PRKG1: variants seen among roughly 807,000 people sequenced by gnomAD.
PRKG1 encodes the protein cGMP-dependent protein kinase 1.
A neutral mutation model predicts 88.1 loss-of-function variants in PRKG1; 35 were observed. The ratio of observed to expected loss-of-function variants is 0.40; its 90% CI spans 0.30 to 0.53. The LOEUF is 0.53. Among genes scored for constraint, PRKG1 ranks in the 20% least tolerant of loss-of-function variants. The pLI is 0.59. For missense variants in PRKG1, 540 were observed against 839.8 expected (o/e 0.64, Z 4.41); for synonymous variants, 303 against 292.5 (o/e 1.04, Z -0.37).
chr10:51,384,803 C>T (rs7913751), intron 2 of PRKG1, among the ~76,000 whole-genome samples: 3,922 of 152,190 alleles, frequency 0.026, 155 homozygotes, highest in African/African-American at 0.086. Context: ...CCATGGAATT[C>T]CCCGTAGCTC....
intron 5 of PRKG1, among the ~76,000 whole-genome samples, chr10:51,919,674 AC>A (rs1842420554): frequency 7.0e-6 from 1 of 142,610 alleles, no homozygotes. Context: ...ACAGCCCCCC[AC>A]CTTTTTTTTT....
At chr10:51,985,071 A>G (rs888595030) in intron 5 of PRKG1, among the ~76,000 whole-genome samples, 3 of 152,122 alleles carry the variant, frequency 2.0e-5, no homozygotes, top group Non-Finnish European at 4.4e-5. Context: ...TTTTTAGGCA[A>G]TAGTTCATTT....
intron 7 of PRKG1, among the ~76,000 whole-genome samples, chr10:52,069,143 A>G (rs1411149819): frequency 1.3e-5 from 2 of 152,180 alleles, no homozygotes; most frequent in Non-Finnish European, 2.9e-5. Context: ...ATTTGTTTTC[A>G]CTTCATAGTC....
chr10:52,241,561 GT>G (rs1840863035), intron 9 of PRKG1, among the ~76,000 whole-genome samples: 1 of 151,956 alleles, frequency 6.6e-6, no homozygotes, highest in Admixed American at 6.6e-5. Context: ...TCTTTTTATT[GT>G]TTGACCCACT....
chr10:51,917,356 G>C (rs566332740), intron 5 of PRKG1, among the ~76,000 whole-genome samples: 1 of 150,968 alleles, frequency 6.6e-6, no homozygotes, highest in African/African-American at 2.4e-5. Context: ...TTTCTTTTTA[G>C]GGTGATAAAA....
intron 7 of PRKG1, among the ~76,000 whole-genome samples, chr10:52,083,284 G>T (rs1033853769): frequency 1.3e-5 from 2 of 151,936 alleles, no homozygotes; most frequent in African/African-American, 4.8e-5. Context: ...ATTGAGCATG[G>T]AATCACAATT....
intron 2 of PRKG1, among the ~76,000 whole-genome samples, chr10:51,319,476 C>T (rs371243714): frequency 1.3e-5 from 2 of 152,168 alleles, no homozygotes; most frequent in South Asian, 4.1e-4. Context: ...GCTCTGTGGA[C>T]TACTGTCAAT....
intron 1 of PRKG1, among the ~76,000 whole-genome samples, chr10:51,035,824 C>G (rs192632008): frequency 6.6e-6 from 1 of 152,026 alleles, no homozygotes; most frequent in African/African-American, 2.4e-5. Flanking sequence ...TAGCAATAAC[C>G]ATTAACATTC....
At chr10:51,735,871 A>G (rs373846412) in intron 3 of PRKG1, among the ~76,000 whole-genome samples, 39,521 of 117,618 alleles carry the variant, frequency 0.34, 7,244 homozygotes, top group Middle Eastern at 0.47. Context: ...ATATATATAT[A>G]TATATATATG....
At chr10:51,204,300 A>T (rs1454635739) in intron 2 of PRKG1, among the ~76,000 whole-genome samples, 2 of 152,028 alleles carry the variant, frequency 1.3e-5, no homozygotes, top group East Asian at 3.9e-4. Context: ...GGAAGATGAA[A>T]AGTGACCTCC....
At chr10:51,231,077 G>T (rs958170261) in intron 2 of PRKG1, among the ~76,000 whole-genome samples, 1 of 152,134 alleles carries the variant, frequency 6.6e-6, no homozygotes, top group East Asian at 1.9e-4. Flanking sequence ...TTCTTGCTGG[G>T]AGTGAAAAGG....
At chr10:51,997,162 C>T (rs1184154542) in intron 5 of PRKG1, among the ~76,000 whole-genome samples, 1 of 151,848 alleles carries the variant, frequency 6.6e-6, no homozygotes, top group African/African-American at 2.4e-5. Flanking sequence ...GTCAATGGAT[C>T]CAAAATTTTA....
rs372232553 is a variant in PRKG1, at chr10:52,036,209, T to C, written c.763-18275T>C. 1.4e-4 allele frequency among the ~76,000 whole-genome samples: 21 copies of C among 151,904 alleles called. No homozygotes were observed. The East Asian group carries it at 3.1e-3, about 23-fold the overall frequency. ...AGTCCAAGTGAAAGTGAAGAGAGGC[T>C]GGGATTAAGGGTGCAAAGGAATAGT... On this transcript the variant is annotated intron_variant, in intron 5 of 17. Coordinates refer to ENST00000373980, the MANE Select transcript of PRKG1 (RefSeq NM_006258.4).
intron 3 of PRKG1, among the ~76,000 whole-genome samples, chr10:51,643,834 A>G (rs1234637517): frequency 6.6e-6 from 1 of 152,214 alleles, no homozygotes; most frequent in African/African-American, 2.4e-5. Flanking sequence ...GAAACTTTCA[A>G]ATGTACGCAA....
chr10:51,978,336 C>T (rs1445317301), intron 5 of PRKG1, among the ~76,000 whole-genome samples: 1 of 151,286 alleles, frequency 6.6e-6, no homozygotes, highest in Admixed American at 6.6e-5. Context: ...TTTTTGTAGA[C>T]AACTGGGTTA....
chr10:50,991,667 C>T lies in PRKG1; in HGVS notation c.266+23C>T, dbSNP rs1038240012. On this transcript the variant is annotated intron_variant, in intron 1 of 17. Coordinates refer to the PRKG1 transcript ENST00000401604. This position sits in a 1 kb window ranked among gnomAD's most constrained non-coding sequence, Gnocchi z 4.5. ...AAGGTAGGCGCGGAGGCCGTGGGCC[C>T]GGGCGCTCGTCCCGGCCCGCGGCGC... The T allele has an allele frequency of 2.1e-6, 3 of 1,456,846 alleles. No homozygotes were observed. The highest frequency in any genetic ancestry group is 6.1e-5 in the East Asian group (2 of 32,888). The allele number at this position is 1,456,846 out of a possible 1,614,324, so 90.2% of individuals were successfully genotyped here.
At chr10:52,217,373 T>TAC (rs911173622) in intron 9 of PRKG1, among the ~76,000 whole-genome samples, 20 of 149,732 alleles carry the variant, frequency 1.3e-4, no homozygotes, top group Admixed American at 3.3e-4. Context: ...TATACACATA[T>TAC]ACACACACAC....
rs186275238 is a variant in PRKG1 at position 52,208,651 on chromosome 10, T to C, written c.1077-42919T>C. On this transcript the variant is annotated intron_variant, in intron 9 of 17. Transcript: ENST00000373980. ...ACTGGGAGTTTCAAGTAACACTGTA[T>C]CCATTAAGAGAAAGGAAATTGTAGA... Among the ~76,000 whole-genome samples the C allele has an allele frequency of 5.8e-3, 885 of 152,288 alleles. 13 individuals are homozygous for C. Among genetic ancestry groups the C allele is most frequent in the African/African-American group, 0.02 (845 of 41,566 alleles).
chr10:51,744,196 C>T (rs559461139), intron 3 of PRKG1, among the ~76,000 whole-genome samples: 10 of 152,204 alleles, frequency 6.6e-5, no homozygotes, highest in Admixed American at 5.9e-4. Context: ...ATTTAATTCT[C>T]CCTACCACTG....
Sources: gnomAD v4.1 joint callset for allele counts (sites outside exome capture counted in the v4.1 genomes callset) on GRCh38, gnomAD v4.1.1 for gene constraint, Gnocchi (gnomAD v3.1) non-coding constraint, MANE v1.5 for transcripts, NCBI Gene and HGNC (gene_info 2026-07-23, HGNC 2026-07-21) for gene names.